DPP10: variants seen among roughly 807,000 people sequenced by gnomAD.
DPP10 encodes the protein inactive dipeptidyl peptidase 10.
DPP10 carries 33 observed loss-of-function variants against 120.9 expected under a neutral mutation model. The ratio of observed to expected loss-of-function variants is 0.27; its 90% CI spans 0.21 to 0.37. The LOEUF (loss-of-function observed/expected upper bound fraction) is 0.37, where lower values mean the gene tolerates loss of function less well. DPP10 is among the 10% of genes least tolerant of loss of function. The pLI, the probability that DPP10 is intolerant of heterozygous loss-of-function variation, is 1.00. For missense variants in DPP10, 816 were observed against 942.8 expected, an observed-to-expected ratio of 0.87 and a Z score of 1.76; for synonymous variants, 337 against 326.1, an observed-to-expected ratio of 1.03 and a Z score of -0.36.
intron 1 of DPP10, among the ~76,000 whole-genome samples, chr2:115,081,873 GTCTTATTAGACT>G (rs1708301920): frequency 6.6e-6 from 1 of 152,204 alleles, no homozygotes; most frequent in African/African-American, 2.4e-5. Context: ...TCAAGAAGGA[GTCTTATTAGACT>G]TCCAATTTTA....
chr2:115,212,082 C>T (rs568893065), intron 1 of DPP10, among the ~76,000 whole-genome samples: 30 of 152,136 alleles, frequency 2.0e-4, no homozygotes, highest in African/African-American at 6.5e-4. Context: ...ATGCCTTTGT[C>T]AAGTACTTGT....
chr2:115,338,172 TTGTC>T (rs2063256245), intron 2 of DPP10, among the ~76,000 whole-genome samples: 1 of 152,126 alleles, frequency 6.6e-6, no homozygotes, highest in Admixed American at 6.6e-5. Context: ...CTGTGTAACT[TTGTC>T]TGTTAACCTA....
At chr2:114,665,287 A>G (rs1388931092) in intron 1 of DPP10, among the ~76,000 whole-genome samples, 3 of 152,234 alleles carry the variant, frequency 2.0e-5, no homozygotes, top group Non-Finnish European at 2.9e-5. Context: ...TTCTTGAGCT[A>G]CCTGCCTAAC....
chr2:114,499,315 G>T (rs983111645), intron 1 of DPP10, among the ~76,000 whole-genome samples: 4 of 152,190 alleles, frequency 2.6e-5, no homozygotes, highest in South Asian at 2.1e-4. Flanking sequence ...AGTGAACTTT[G>T]AGCAAGGGCT....
At chr2:115,044,867 T>C (rs1704943348) in intron 1 of DPP10, among the ~76,000 whole-genome samples, 1 of 152,204 alleles carries the variant, frequency 6.6e-6, no homozygotes, top group Non-Finnish European at 1.5e-5. Flanking sequence ...AGTGACAGCA[T>C]GCAGTTTGCC....
intron 4 of DPP10, among the ~76,000 whole-genome samples, chr2:115,521,445 A>G (rs1280064265): frequency 6.6e-6 from 1 of 152,174 alleles, no homozygotes; most frequent in Non-Finnish European, 1.5e-5. Flanking sequence ...TAATGTATAT[A>G]AAATTCGAAT....
rs186048268 is a variant in DPP10 at position 114,587,256 on chromosome 2, G to T, written c.60+144418G>T. Among the ~76,000 whole-genome samples the T allele has an allele frequency of 2.5e-3, 369 of 146,590 alleles. 3 individuals carry two copies. Among genetic ancestry groups the T allele is most frequent in the African/African-American group, 8.9e-3 (353 of 39,536 alleles). On this transcript the variant is annotated intron_variant, in intron 1 of 25. Transcript: ENST00000410059. ...GCGGAGGTTGCAGTGGGCCAAGATC[G>T]CGCCATTGCACTCCAGCCTGGGCAA...
intron 5 of DPP10, among the ~76,000 whole-genome samples, chr2:115,637,222 A>T: frequency 6.6e-6 from 1 of 152,224 alleles, no homozygotes; most frequent in Non-Finnish European, 1.5e-5. Flanking sequence ...GCAAATTATG[A>T]CTATATAAAG....
intron 1 of DPP10, among the ~76,000 whole-genome samples, chr2:115,193,890 C>G (rs1018706466): frequency 2.0e-5 from 3 of 152,162 alleles, no homozygotes; most frequent in Non-Finnish European, 2.9e-5. Context: ...TCTCCTAGGT[C>G]TGGTCGGGCC....
At chr2:115,551,305 A>G (rs1165834752) in intron 5 of DPP10, among the ~76,000 whole-genome samples, 1 of 152,170 alleles carries the variant, frequency 6.6e-6, no homozygotes, top group East Asian at 1.9e-4. Flanking sequence ...TAATTTTAAA[A>G]TTAAGAACAA....
intron 1 of DPP10, among the ~76,000 whole-genome samples, chr2:114,544,124 T>C (rs984221286): frequency 6.6e-6 from 1 of 151,786 alleles, no homozygotes; most frequent in Non-Finnish European, 1.5e-5. Context: ...TAGTGTGCCA[T>C]AATGTGGTTA....
chr2:115,842,399 C>T lies in DPP10; in HGVS notation c.*54C>T, dbSNP rs1279670312. On this transcript the variant is annotated 3_prime_UTR_variant, in exon 26 of 26. Transcript: ENST00000410059. ...AATATTGAGGCTCAATGAAACCTGACAAAGAGACTGTAATATTGTAGTTGC... is the reference window on the plus strand; with the variant it reads ...AATATTGAGGCTCAATGAAACCTGATAAAGAGACTGTAATATTGTAGTTGC... 1.3e-6 allele frequency: 2 copies of T among 1,569,290 alleles called. No individual in the cohort carries two copies. The highest frequency in any genetic ancestry group is 1.7e-6 in the Non-Finnish European group (2 of 1,152,940).
rs10203867 is a variant in DPP10, at chr2:114,525,442, T to C, written c.60+82604T>C. ...CATGTGTTAAAAGTGTAGTATAACA[T>C]CTACTATTATTGGATGCTACATAAA... On this transcript the variant is annotated intron_variant, in intron 1 of 25. Coordinates refer to ENST00000410059, the MANE Select transcript of DPP10 (RefSeq NM_020868.6). Among the ~76,000 whole-genome samples, 1,054 of 152,282 alleles carry C rather than the reference T, an allele frequency of 6.9e-3. 7 individuals are homozygous for C. The highest frequency in any genetic ancestry group is 0.024 in the African/African-American group (996 of 41,564).
At chr2:115,589,647 A>G (rs1313416010) in intron 5 of DPP10, among the ~76,000 whole-genome samples, 1 of 152,240 alleles carries the variant, frequency 6.6e-6, no homozygotes, top group Admixed American at 6.5e-5. Context: ...AATGAAATCA[A>G]CTGGAATCTA....
chr2:114,939,829 G>A (rs187540161), intron 1 of DPP10, among the ~76,000 whole-genome samples: 1 of 152,190 alleles, frequency 6.6e-6, no homozygotes, highest in Non-Finnish European at 1.5e-5. Flanking sequence ...TTTATTTACA[G>A]CTATGGCTCA....
At chr2:114,531,382 T>G (rs1255424768) in intron 1 of DPP10, among the ~76,000 whole-genome samples, 1 of 151,646 alleles carries the variant, frequency 6.6e-6, no homozygotes, top group Non-Finnish European at 1.5e-5. Context: ...ATGATGATGA[T>G]GATAGAGAAG....
At chr2:115,193,779 G>T (rs552479629) in intron 1 of DPP10, among the ~76,000 whole-genome samples, 71 of 152,254 alleles carry the variant, frequency 4.7e-4, no homozygotes, top group African/African-American at 1.7e-3. Flanking sequence ...ATTTCTACAA[G>T]AGTTTCTCTA....
chr2:114,513,445 C>A (rs1338626802), intron 1 of DPP10, among the ~76,000 whole-genome samples: 2 of 148,962 alleles, frequency 1.3e-5, no homozygotes, highest in Non-Finnish European at 3.0e-5. Context: ...TGCTTGAAAC[C>A]GGAAGGCAGA....
At chr2:114,990,135 G>A (rs547723641) in intron 1 of DPP10, among the ~76,000 whole-genome samples, 4 of 152,078 alleles carry the variant, frequency 2.6e-5, no homozygotes, top group Non-Finnish European at 5.9e-5. Context: ...TTATGCCAAA[G>A]CTAATTAATG....
Sources: allele counts gnomAD v4.1 joint callset (sites outside exome capture counted in the v4.1 genomes callset), GRCh38; gene constraint gnomAD v4.1.1; transcripts MANE v1.5; gene names NCBI Gene and HGNC (gene_info 2026-07-23, HGNC 2026-07-21).